Variants in MSH3 observed in about 807,000 individuals in gnomAD.
MSH3 encodes mutS homolog 3.
MSH3 carries 106 observed loss-of-function variants against 123.3 expected under a neutral mutation model. That is an observed-to-expected ratio of 0.86 (90% CI 0.73 to 1.01). The LOEUF is 1.01. Ranked by LOEUF, MSH3 falls within the 50% of genes least tolerant of loss-of-function variation. MSH3 has a pLI of 0.00. For missense variants in MSH3, 1,459 were observed against 1,347.6 expected (o/e 1.08, Z -1.29); for synonymous variants, 515 against 481.4 (o/e 1.07, Z -0.91).
At chr5:80,723,029 T>C (rs1751117752) in intron 8 of MSH3, among the ~76,000 whole-genome samples, 1 of 151,920 alleles carries the variant, frequency 6.6e-6, no homozygotes, top group Non-Finnish European at 1.5e-5. Flanking sequence ...TGCTTCAGCC[T>C]GGGAGGTCGA....
chr5:80,711,633 C>T (rs905452056), intron 8 of MSH3, among the ~76,000 whole-genome samples: 5 of 152,044 alleles, frequency 3.3e-5, no homozygotes, highest in Non-Finnish European at 4.4e-5. Context: ...TTTTTGAAGA[C>T]AGCACATTTT....
At chr5:80,749,034 TAAA>T (rs897303113) in intron 12 of MSH3, among the ~76,000 whole-genome samples, 1 of 152,180 alleles carries the variant, frequency 6.6e-6, no homozygotes, top group Non-Finnish European at 1.5e-5. Context: ...ATTTTTTAAT[TAAA>T]AAAATTTGTA....
At chr5:80,776,235 T>C (rs1205696356) in intron 16 of MSH3, among the ~76,000 whole-genome samples, 2 of 152,204 alleles carry the variant, frequency 1.3e-5, no homozygotes, top group Non-Finnish European at 2.9e-5. Flanking sequence ...CTTTTAACTC[T>C]TTATCATTGA....
intron 8 of MSH3, among the ~76,000 whole-genome samples, chr5:80,682,570 T>G (rs1749996523): frequency 6.6e-6 from 1 of 152,070 alleles, no homozygotes; most frequent in Non-Finnish European, 1.5e-5. Context: ...ATACAAAAAT[T>G]AGCCAGGCAT....
chr5:80,870,123 G>A (rs959314123), intron 22 of MSH3, among the ~76,000 whole-genome samples: 25 of 140,902 alleles, frequency 1.8e-4, no homozygotes, highest in Non-Finnish European at 2.9e-4. Flanking sequence ...GTGGTAAGTC[G>A]AGATCATGCC....
intron 8 of MSH3, among the ~76,000 whole-genome samples, chr5:80,699,615 CAT>C (rs1344686908): frequency 1.4e-5 from 2 of 140,562 alleles, no homozygotes; most frequent in Non-Finnish European, 3.1e-5. Flanking sequence ...TATACATTAA[CAT>C]ATATGGTAAT....
chr5:80,800,178 A>G lies in MSH3; in HGVS notation c.2655+7334A>G, dbSNP rs80274083. The stretch of plus-strand genomic sequence containing the variant: ...AGTCTCTTCATAGGTTTGCCAAGGC[A>G]GTCCTCTCTAGTTGTTATCCAGCAA... On this transcript the variant is annotated intron_variant, in intron 19 of 23. Transcript: ENST00000265081. Among the ~76,000 whole-genome samples the G allele has an allele frequency of 3.0e-3, 450 of 152,388 alleles. 4 individuals are homozygous for G. The highest frequency in any genetic ancestry group is 0.012 in the Admixed American group (189 of 15,306).
chr5:80,725,413 A>G (rs762654805), intron 8 of MSH3, 40 bp from the exon 9 acceptor site: 6 of 1,398,806 alleles, frequency 4.3e-6, no homozygotes, highest in South Asian at 1.2e-5. Context: ...TTTCATGATA[A>G]TGGATAAGTT....
chr5:80,843,570 C>T (rs1439387268), intron 20 of MSH3, among the ~76,000 whole-genome samples: 1 of 152,182 alleles, frequency 6.6e-6, no homozygotes, highest in Non-Finnish European at 1.5e-5. Context: ...TAATTATTGC[C>T]TCAATTTCAG....
intron 18 of MSH3, 136 bp from the exon 19 acceptor site, chr5:80,792,597 T>A (rs1235791757): frequency 1.5e-6 from 1 of 652,420 alleles, no homozygotes; most frequent in East Asian, 2.8e-5. Flanking sequence ...TCTGGACATA[T>A]GTTCTTAAAA....
At chr5:80,843,656 T>A (rs1419938250) in intron 20 of MSH3, among the ~76,000 whole-genome samples, 3 of 152,238 alleles carry the variant, frequency 2.0e-5, no homozygotes, top group African/African-American at 7.2e-5. Flanking sequence ...TCCTGGAATT[T>A]ATCCATTTCT....
At chr5:80,674,554 G>A (rs948712735) in intron 6 of MSH3, among the ~76,000 whole-genome samples, 12 of 152,212 alleles carry the variant, frequency 7.9e-5, no homozygotes, top group Middle Eastern at 3.4e-3. Context: ...GGGGTCTGGT[G>A]TACTCCACTA....
rs1749901361 is a variant in MSH3, at chr5:80,678,909, AT to A, written c.1174-15del. ...AAATACATTTTTTCTGTAACATTAT[AT>A]TTGTATTTGTTTTTAGGGAGTGCAG... On this transcript the variant is annotated splice_polypyrimidine_tract_variant and intron_variant, in intron 7 of 23. Coordinates refer to ENST00000265081, the MANE Select transcript of MSH3 (RefSeq NM_002439.5). 1.2e-6 allele frequency: 2 copies of A among 1,613,614 alleles called. No individual in the cohort carries two copies. The highest frequency in any genetic ancestry group is 1.7e-4 in the Middle Eastern group (1 of 6,050).
At chr5:80,709,213 G>GTGTA (rs1306215064) in intron 8 of MSH3, among the ~76,000 whole-genome samples, 1 of 138,190 alleles carries the variant, frequency 7.2e-6, no homozygotes. Flanking sequence ...ATAGATATGT[G>GTGTA]TGTGTGTGTG....
In MSH3 at chr5:80,654,837, C is replaced by A. The variant is rs759573423; in HGVS notation, c.110C>A (p.Thr37Asn). The A allele has an allele frequency of 2.5e-6, 4 of 1,606,588 alleles. No individual in the cohort carries two copies. The Admixed American group carries it at 5.1e-5, about 20-fold the overall frequency. The change falls in exon 1 of 24, where the codon ACC becomes AAC. Residue 37 changes from threonine (T) to asparagine (N), a missense_variant. Thr to Asn is a moderately conservative substitution (Grantham distance 65, BLOSUM62 0). Coordinates refer to ENST00000265081, the MANE Select transcript of MSH3 (RefSeq NM_002439.5). ...CAGTCTACGGGAAGCCTGAAATCCA[C>A]CTCCTCCTCCACAGGTGCAGCCGAC... ...FFQSTGSLKS[T>N]SSSTGAADQV...
At chr5:80,682,585 A>T (rs905787950) in intron 8 of MSH3, among the ~76,000 whole-genome samples, 1 of 152,014 alleles carries the variant, frequency 6.6e-6, no homozygotes. Flanking sequence ...AGGCATGGCT[A>T]AAGTTTTTTG....
intron 8 of MSH3, among the ~76,000 whole-genome samples, chr5:80,699,594 A>C (rs1750563378): frequency 6.7e-6 from 1 of 149,848 alleles, no homozygotes; most frequent in South Asian, 2.1e-4. Context: ...TTGTTGGAGT[A>C]GCTGGAAATC....
chr5:80,808,873 A>ATATATATATATATGTATATG (rs754318556), intron 19 of MSH3, among the ~76,000 whole-genome samples: 1 of 137,044 alleles, frequency 7.3e-6, no homozygotes, highest in Non-Finnish European at 1.6e-5. Flanking sequence ...ATATATATAT[A>ATATATATATATATGTATATG]TATATATATA....
At chr5:80,694,287 G>A (rs984261642) in intron 8 of MSH3, among the ~76,000 whole-genome samples, 4 of 152,072 alleles carry the variant, frequency 2.6e-5, no homozygotes, top group Non-Finnish European at 4.4e-5. Context: ...ACAAATCAAA[G>A]GAAGTAATTA....
Sources: gnomAD v4.1 joint callset for allele counts (sites outside exome capture counted in the v4.1 genomes callset) on GRCh38, gnomAD v4.1.1 for gene constraint, MANE v1.5 for transcripts, NCBI Gene and HGNC (gene_info 2026-07-23, HGNC 2026-07-21) for gene names.